The following ZNRF2 variants were observed in gnomAD, a reference collection of about 807,000 sequenced individuals.
ZNRF2 encodes the protein E3 ubiquitin-protein ligase ZNRF2.
A neutral mutation model predicts 20.4 loss-of-function variants in ZNRF2; 16 were observed. That is an observed-to-expected ratio of 0.79 (90% confidence interval 0.53 to 1.19). ZNRF2 has a LOEUF of 1.19. Among genes scored for constraint, ZNRF2 ranks in the 50% most tolerant of loss-of-function variants. The pLI is 0.00. For missense variants in ZNRF2, 363 were observed against 332.4 expected (o/e 1.09, Z -0.72); for synonymous variants, 178 against 144.9 (o/e 1.23, Z -1.64).
chr7:30,320,351 TCAAAA>T (rs890129639), intron 1 of ZNRF2, among the ~76,000 whole-genome samples: 21 of 152,188 alleles, frequency 1.4e-4, no homozygotes, highest in African/African-American at 5.1e-4. Context: ...CAAGGATGAA[TCAAAA>T]CAAAGAATTT....
intron 3 of ZNRF2, among the ~76,000 whole-genome samples, chr7:30,359,202 G>A (rs1800085944): frequency 6.6e-6 from 1 of 152,118 alleles, no homozygotes; most frequent in African/African-American, 2.4e-5. Context: ...TCGTGGAAAT[G>A]TTTTTGACTT....
At chr7:30,364,841 A>G (rs1041721611) in intron 4 of ZNRF2, among the ~76,000 whole-genome samples, 3 of 152,182 alleles carry the variant, frequency 2.0e-5, no homozygotes, top group Non-Finnish European at 4.4e-5. Context: ...TAATTTATAC[A>G]TGACAGAAAT....
At chr7:30,289,821 T>C (rs763112889) in intron 1 of ZNRF2, 20 of 534,288 alleles carry the variant, frequency 3.7e-5, no homozygotes, top group Non-Finnish European at 6.5e-5. Flanking sequence ...GTGCAGTGCC[T>C]GAGGGAGTAA....
chr7:30,350,955 G>GT (rs1314715168), intron 2 of ZNRF2, among the ~76,000 whole-genome samples: 2 of 150,364 alleles, frequency 1.3e-5, no homozygotes, highest in East Asian at 3.9e-4. Context: ...TTCGCATGAA[G>GT]TTTCCTTGGC....
intron 1 of ZNRF2, among the ~76,000 whole-genome samples, chr7:30,318,081 A>G (rs539340343): frequency 6.6e-6 from 1 of 152,298 alleles, no homozygotes; most frequent in South Asian, 2.1e-4. Context: ...GCTTTGTTTT[A>G]GGGACAGTAT....
chr7:30,324,789 G>T (rs1017103950), intron 2 of ZNRF2, among the ~76,000 whole-genome samples: 2 of 152,102 alleles, frequency 1.3e-5, no homozygotes, highest in African/African-American at 4.8e-5. Flanking sequence ...AAGTAAGCAT[G>T]GTTGAAATTG....
chr7:30,306,447 A>G (rs1435073202), intron 1 of ZNRF2, among the ~76,000 whole-genome samples: 1 of 152,160 alleles, frequency 6.6e-6, no homozygotes, highest in Admixed American at 6.6e-5. Flanking sequence ...CAAAGTCAGG[A>G]AGAATAAAAT....
At chr7:30,354,522 A>C (rs1464851247) in intron 2 of ZNRF2, among the ~76,000 whole-genome samples, 2 of 152,150 alleles carry the variant, frequency 1.3e-5, no homozygotes, top group Non-Finnish European at 2.9e-5. Context: ...TTATAGAATG[A>C]ATTTTTCTGC....
At chr7:30,290,190 A>G (rs1326375830) in intron 1 of ZNRF2, among the ~76,000 whole-genome samples, 2 of 152,228 alleles carry the variant, frequency 1.3e-5, no homozygotes, top group Non-Finnish European at 2.9e-5. Flanking sequence ...TTGCATGTAC[A>G]TGACATTTAT....
At chr7:30,339,278 C>G (rs1799760499) in intron 2 of ZNRF2, among the ~76,000 whole-genome samples, 1 of 152,138 alleles carries the variant, frequency 6.6e-6, no homozygotes, top group Admixed American at 6.5e-5. Flanking sequence ...TTAATTAGAT[C>G]CCATTTGTCA....
At chr7:30,342,282 G>A (rs1483753468) in intron 2 of ZNRF2, among the ~76,000 whole-genome samples, 1 of 152,070 alleles carries the variant, frequency 6.6e-6, no homozygotes, top group Admixed American at 6.6e-5. Context: ...GATGCTAGCT[G>A]GTTATTTTCC....
chr7:30,348,650 C>G (rs957865530), intron 2 of ZNRF2, among the ~76,000 whole-genome samples: 2 of 152,166 alleles, frequency 1.3e-5, no homozygotes, highest in Admixed American at 6.6e-5. Flanking sequence ...GCATTCTACT[C>G]GTAAAAGCAG....
chr7:30,295,843 C>T (rs1454186797), intron 1 of ZNRF2, among the ~76,000 whole-genome samples: 1 of 152,158 alleles, frequency 6.6e-6, no homozygotes, highest in South Asian at 2.1e-4. Context: ...AGATTTATGC[C>T]GCACTTCCAG....
chr7:30,348,533 T>A (rs138259795), intron 2 of ZNRF2, among the ~76,000 whole-genome samples: 35 of 152,294 alleles, frequency 2.3e-4, no homozygotes, highest in African/African-American at 8.4e-4. Context: ...TTACACAGCA[T>A]CAGAAATGTT....
chr7:30,302,454 C>T (rs532487475), intron 1 of ZNRF2, among the ~76,000 whole-genome samples: 1 of 152,066 alleles, frequency 6.6e-6, no homozygotes, highest in East Asian at 1.9e-4. Context: ...TGAAGAAAAA[C>T]CTCCGTCTTT....
intron 1 of ZNRF2, among the ~76,000 whole-genome samples, chr7:30,310,203 A>G (rs998803053): frequency 2.6e-5 from 4 of 152,240 alleles, no homozygotes; most frequent in Admixed American, 2.6e-4. Context: ...GCAGGAAAAC[A>G]GTGGTAACAC....
Position 30,285,660 on chromosome 7 carries a change from C to G in ZNRF2, c.303C>G (p.Phe101Leu). ...ASGARAAQSPFSIPNSSSGPY... is the reference protein window; with the variant it reads ...ASGARAAQSPLSIPNSSSGPY... The stretch of plus-strand genomic sequence containing the variant: ...GGGCCCGCGCGGCGCAGTCCCCCTT[C>G]AGCATCCCGAACAGCAGCAGCGGCC... The change falls in exon 1 of 5, where the codon TTC (phenylalanine) becomes TTG (leucine). Residue 101 changes from phenylalanine (F) to leucine (L), a missense_variant. This residue lies in a region of ZNRF2 where 302 missense variants were observed against 231.5 expected (regional missense o/e 1.30). Transcript: ENST00000323037. The G allele has an allele frequency of 7.1e-7, 1 of 1,411,176 alleles. No homozygotes were observed. Among genetic ancestry groups the G allele is most frequent in the Non-Finnish European group, 9.2e-7 (1 of 1,086,946 alleles). 87.4% of individuals were successfully genotyped at this position (1,411,176 alleles called of 1,614,324 possible). A position where few individuals can be genotyped will look rare whatever the true frequency, so the allele number is the denominator to read the frequency against.
rs913209029 is a variant in ZNRF2, at chr7:30,284,881, GT to G, written c.-476del. The G allele has an allele frequency of 8.6e-6, 2 of 232,374 alleles. No individual in the cohort carries two copies. The highest frequency in any genetic ancestry group is 4.8e-5 in the African/African-American group (2 of 41,790). 14.4% of individuals were successfully genotyped at this position (232,374 alleles called of 1,614,324 possible). A position where few individuals can be genotyped will look rare whatever the true frequency, so the allele number is the denominator to read the frequency against. On this transcript the variant is annotated 5_prime_UTR_variant, in exon 1 of 5. Transcript: ENST00000323037. ...GAGGAGGGAAGGTGGCCCCGGCGGA[GT>G]CTGGGCGGGCGCCTCCCACTCAGCC...
At chr7:30,297,767 C>T (rs1304585119) in intron 1 of ZNRF2, among the ~76,000 whole-genome samples, 2 of 151,512 alleles carry the variant, frequency 1.3e-5, no homozygotes, top group Non-Finnish European at 2.9e-5. Context: ...TCTTTGATGA[C>T]TTAGATGTTG....
Sources: allele counts gnomAD v4.1 joint callset (sites outside exome capture counted in the v4.1 genomes callset), GRCh38; gene constraint gnomAD v4.1.1; regional missense constraint gnomAD v4.1.1; transcripts MANE v1.5; gene names NCBI Gene and HGNC (gene_info 2026-07-23, HGNC 2026-07-21).